SEZ6L: variants seen among roughly 807,000 people sequenced by gnomAD.
SEZ6L encodes the protein seizure related 6 homolog like, also known as seizure 6-like protein.
SEZ6L carries 37 observed loss-of-function variants against 106.2 expected under a neutral mutation model. That is an observed-to-expected ratio of 0.35 (90% CI 0.27 to 0.46). The LOEUF is 0.46. Among genes scored for constraint, SEZ6L ranks in the 20% least tolerant of loss-of-function variants. The probability of loss-of-function intolerance (pLI) is 1.00; values close to 1 mark genes in which losing one functional copy is unlikely to be tolerated. For missense variants in SEZ6L, 1,172 were observed against 1,332.8 expected (o/e 0.88, Z 1.88); for synonymous variants, 541 against 570.4 (o/e 0.95, Z 0.73).
At chr22:26,377,861 A>G (rs779359323) in intron 16 of SEZ6L, 86 bp downstream of exon 16, 80 of 1,049,876 alleles carry the variant, frequency 7.6e-5, no homozygotes, top group Non-Finnish European at 1.1e-4. Context: ...TTCATTTCCT[A>G]TTGCTCACAA....
intron 1 of SEZ6L, among the ~76,000 whole-genome samples, chr22:26,264,397 T>C (rs916023162): frequency 6.6e-6 from 1 of 152,234 alleles, no homozygotes; most frequent in Non-Finnish European, 1.5e-5. Flanking sequence ...TTCAGTTCTG[T>C]TTATTATGCA....
chr22:26,278,506 T>C (rs2080630728), intron 1 of SEZ6L, among the ~76,000 whole-genome samples: 1 of 152,194 alleles, frequency 6.6e-6, no homozygotes, highest in African/African-American at 2.4e-5. Context: ...GTGTGCCCAT[T>C]GTTTAGCTTC....
In SEZ6L at chr22:26,250,817, G is replaced by A. The variant is rs551945553; in HGVS notation, c.95-41589G>A. ...ATGGGATGTCTTTCTATTTTTTTGT[G>A]TCCTCTTCAATTTCTTTTATCAGTG... On this transcript the variant is annotated intron_variant, in intron 1 of 16. Coordinates refer to ENST00000248933, the MANE Select transcript of SEZ6L (RefSeq NM_021115.5). 1.1e-4 allele frequency among the ~76,000 whole-genome samples: 16 copies of A among 151,978 alleles called. No individual in the cohort carries two copies. The South Asian group carries it at 3.3e-3, about 32-fold the overall frequency.
At chr22:26,298,926 A>C in intron 4 of SEZ6L, 58 bp from the exon 5 acceptor site, 1 of 1,470,640 alleles carries the variant, frequency 6.8e-7, no homozygotes, top group South Asian at 1.4e-5. Flanking sequence ...GATGTGGGTC[A>C]GGTTCTTGAT....
intron 12 of SEZ6L, among the ~76,000 whole-genome samples, chr22:26,352,165 A>AAAAC (rs1023728603): frequency 6.6e-6 from 1 of 151,666 alleles, no homozygotes; most frequent in African/African-American, 2.4e-5. Flanking sequence ...TGCCTCAAAA[A>AAAAC]AAAAAAAAAA....
intron 10 of SEZ6L, among the ~76,000 whole-genome samples, 158 bp downstream of exon 10, chr22:26,340,790 T>A (rs962457225): frequency 3.9e-5 from 6 of 152,228 alleles, no homozygotes; most frequent in Non-Finnish European, 8.8e-5. Context: ...GGCTCTCTAG[T>A]CATGAGGACC....
At chr22:26,198,606 T>C (rs1428514000) in intron 1 of SEZ6L, among the ~76,000 whole-genome samples, 1 of 152,232 alleles carries the variant, frequency 6.6e-6, no homozygotes, top group East Asian at 1.9e-4. Flanking sequence ...AGGTTTGGTG[T>C]CTGGTGAGGG....
intron 1 of SEZ6L, among the ~76,000 whole-genome samples, chr22:26,222,729 A>T (rs1026328418): frequency 3.9e-5 from 6 of 152,288 alleles, no homozygotes; most frequent in Middle Eastern, 3.4e-3. Context: ...TACATAAAAA[A>T]ATTTTTTTCA....
At chr22:26,289,766 C>T (rs907897808) in intron 1 of SEZ6L, among the ~76,000 whole-genome samples, 11 of 152,196 alleles carry the variant, frequency 7.2e-5, no homozygotes, top group African/African-American at 1.7e-4. Flanking sequence ...GCCTCTCCAA[C>T]GACTGCTGAA....
intron 1 of SEZ6L, among the ~76,000 whole-genome samples, chr22:26,271,111 A>G (rs1601332489): frequency 6.6e-6 from 1 of 152,106 alleles, no homozygotes; most frequent in East Asian, 1.9e-4. Context: ...TTTTATTCAA[A>G]CCATTCATTC....
intron 1 of SEZ6L, among the ~76,000 whole-genome samples, chr22:26,240,244 C>CT (rs898986961): frequency 6.6e-6 from 1 of 152,164 alleles, no homozygotes. Flanking sequence ...TTGTGTTTGA[C>CT]TTTTTTTCAA....
chr22:26,257,823 T>C (rs1425900403), intron 1 of SEZ6L, among the ~76,000 whole-genome samples: 1 of 152,160 alleles, frequency 6.6e-6, no homozygotes, highest in Non-Finnish European at 1.5e-5. Flanking sequence ...GGCATTTAAC[T>C]CCAGACAGCA....
intron 1 of SEZ6L, among the ~76,000 whole-genome samples, chr22:26,261,635 ACT>A (rs1195346720): frequency 2.0e-5 from 3 of 152,292 alleles, no homozygotes; most frequent in Non-Finnish European, 4.4e-5. Context: ...AGGAAGACAG[ACT>A]CTGAACAAGG....
intron 5 of SEZ6L, 129 bp downstream of exon 5, chr22:26,299,298 G>T: frequency 1.6e-6 from 1 of 616,980 alleles, no homozygotes; most frequent in Non-Finnish European, 2.4e-6. Context: ...TCCAAATATG[G>T]ATGACTATTG....
At chr22:26,377,547 A>C in intron 15 of SEZ6L, 126 bp from the exon 16 acceptor site, 1 of 751,944 alleles carries the variant, frequency 1.3e-6, no homozygotes, top group East Asian at 2.6e-5. Flanking sequence ...GGCTGTTTGC[A>C]CACATCCTCG....
chr22:26,327,681 A>T (rs1601514071), intron 9 of SEZ6L, among the ~76,000 whole-genome samples: 1 of 151,104 alleles, frequency 6.6e-6, no homozygotes, highest in East Asian at 2.0e-4. Flanking sequence ...GACACTACAC[A>T]CACCACACAC....
chr22:26,292,202 A>G, intron 1 of SEZ6L: 1 of 502,274 alleles, frequency 2.0e-6, no homozygotes. Flanking sequence ...GTGGGAGGAA[A>G]AGAAGGAAGA....
At chr22:26,232,794 C>T (rs2078841779) in intron 1 of SEZ6L, among the ~76,000 whole-genome samples, 1 of 152,180 alleles carries the variant, frequency 6.6e-6, no homozygotes, top group African/African-American at 2.4e-5. Flanking sequence ...AGAACATATC[C>T]CTGTCATTAA....
intron 5 of SEZ6L, among the ~76,000 whole-genome samples, chr22:26,303,013 G>A (rs972454784): frequency 1.3e-5 from 2 of 152,198 alleles, no homozygotes; most frequent in African/African-American, 2.4e-5. Flanking sequence ...CATGCCCATC[G>A]TTTCATTGAT....
Sources: allele counts gnomAD v4.1 joint callset (sites outside exome capture counted in the v4.1 genomes callset), GRCh38; gene constraint gnomAD v4.1.1; transcripts MANE v1.5; gene names NCBI Gene and HGNC (gene_info 2026-07-23, HGNC 2026-07-21).